Variants in ARHGAP26 observed in about 807,000 individuals in gnomAD.
ARHGAP26 encodes rho GTPase-activating protein 26.
In ARHGAP26, 38 loss-of-function variants were observed where a neutral mutation model predicts 104.8. The observed-to-expected ratio is 0.36, with a 90% CI of 0.28 to 0.48. ARHGAP26 has a LOEUF of 0.48. ARHGAP26 is among the 20% of genes least tolerant of loss of function. The pLI is 0.99. For missense variants in ARHGAP26, 704 were observed against 947.9 expected, an observed-to-expected ratio of 0.74 and a Z score of 3.38; for synonymous variants, 341 against 340.0, an observed-to-expected ratio of 1.00 and a Z score of -0.03.
chr5:143,171,043 C>T (rs1486329300), intron 20 of ARHGAP26, among the ~76,000 whole-genome samples: 1 of 152,002 alleles, frequency 6.6e-6, no homozygotes, highest in African/African-American at 2.4e-5. Flanking sequence ...GAAAAAAGAG[C>T]AGGAAATCCT....
intron 1 of ARHGAP26, among the ~76,000 whole-genome samples, chr5:142,862,300 T>C (rs1223861283): frequency 6.6e-6 from 1 of 152,200 alleles, no homozygotes; most frequent in Non-Finnish European, 1.5e-5. Flanking sequence ...TTATAGACGT[T>C]GAGTTTTCCA....
chr5:143,003,123 G>A (rs1239639291), intron 11 of ARHGAP26, among the ~76,000 whole-genome samples: 5 of 152,222 alleles, frequency 3.3e-5, no homozygotes, highest in Non-Finnish European at 7.3e-5. Flanking sequence ...AACAATCAGT[G>A]TTAATAATCC....
At chr5:143,109,200 G>A (rs534644577) in intron 17 of ARHGAP26, among the ~76,000 whole-genome samples, 3 of 152,194 alleles carry the variant, frequency 2.0e-5, no homozygotes, top group Non-Finnish European at 4.4e-5. Flanking sequence ...CCCAGTTCAG[G>A]TTTGGCTAAG....
intron 12 of ARHGAP26, among the ~76,000 whole-genome samples, chr5:143,030,807 A>G (rs561351824): frequency 3.9e-5 from 6 of 152,374 alleles, no homozygotes; most frequent in East Asian, 3.9e-4. Context: ...ATCCATTGCT[A>G]TAGTTGATGG....
At chr5:143,196,092 C>T (rs113101142) in intron 20 of ARHGAP26, among the ~76,000 whole-genome samples, 102 of 152,180 alleles carry the variant, frequency 6.7e-4, no homozygotes, top group African/African-American at 2.3e-3. Context: ...TTAAAAAGTA[C>T]ATGAAATATA....
intron 20 of ARHGAP26, among the ~76,000 whole-genome samples, chr5:143,187,535 C>T (rs772528852): frequency 1.9e-4 from 29 of 152,124 alleles, no homozygotes; most frequent in East Asian, 5.8e-4. Flanking sequence ...GTGGAGGAGG[C>T]GTGTGGAAGC....
chr5:142,782,877 G>T (rs1757802999), intron 1 of ARHGAP26, among the ~76,000 whole-genome samples: 1 of 152,204 alleles, frequency 6.6e-6, no homozygotes, highest in South Asian at 2.1e-4. Context: ...GTCCTTGTAA[G>T]ATAGTGGTTC....
intron 11 of ARHGAP26, chr5:142,946,679 T>G (rs144432823): frequency 6.6e-6 from 1 of 152,254 alleles, no homozygotes; most frequent in East Asian, 1.9e-4. Context: ...AGTCTGCAAA[T>G]TAGGTTGTTT....
chr5:143,014,327 G>C, intron 12 of ARHGAP26: 1 of 602,474 alleles, frequency 1.7e-6, no homozygotes, highest in South Asian at 2.0e-5. Context: ...CTGTAGTGTA[G>C]TGACACCTTG....
At chr5:142,883,923 T>C (rs972300752) in intron 4 of ARHGAP26, among the ~76,000 whole-genome samples, 3 of 152,216 alleles carry the variant, frequency 2.0e-5, no homozygotes, top group Non-Finnish European at 4.4e-5. Context: ...TTCTGGTGCC[T>C]AAAGTAGAGC....
chr5:143,204,411 C>G (rs887758814), intron 20 of ARHGAP26, among the ~76,000 whole-genome samples: 2 of 152,136 alleles, frequency 1.3e-5, no homozygotes, highest in Non-Finnish European at 2.9e-5. Flanking sequence ...ATAATCCCAG[C>G]TACTTGGGAG....
intron 1 of ARHGAP26, among the ~76,000 whole-genome samples, chr5:142,842,579 A>G (rs1771028721): frequency 6.6e-6 from 1 of 152,226 alleles, no homozygotes; most frequent in Admixed American, 6.5e-5. Context: ...TAGGAGAAAA[A>G]CATGCCTAGA....
chr5:142,770,881 C>G lies in ARHGAP26; in HGVS notation c.120C>G (p.Ile40Met). 1.2e-6 allele frequency: 2 copies of G among 1,611,306 alleles called. No individual in the cohort carries two copies. The highest frequency in any genetic ancestry group is 1.7e-6 in the Non-Finnish European group (2 of 1,178,616). The change falls in exon 1 of 23, where the codon ATC becomes ATG. Residue 40 changes from isoleucine to methionine, a missense_variant. Physicochemically the swap from Ile to Met is conservative, Grantham distance 10. Around this residue, in one of 6 missense-constraint regions of ARHGAP26, gnomAD observed 77 missense variants for 82.6 expected, o/e 0.93. Transcript: ENST00000645722. ...CCAACAAATTCATCAAGGAGCTCAT[C>G]AAGGACGGGAAGTCACTCATAAGCG... ...DKTNKFIKEL[I>M]KDGKSLISAL...
At chr5:142,990,225 C>G (rs1194709914) in intron 11 of ARHGAP26, among the ~76,000 whole-genome samples, 4 of 152,160 alleles carry the variant, frequency 2.6e-5, no homozygotes, top group Non-Finnish European at 5.9e-5. Context: ...CACTGATACC[C>G]TTTCTTCCAC....
chr5:143,028,165 GGATGATGATGAT>G (rs147935644), intron 12 of ARHGAP26, among the ~76,000 whole-genome samples: 1 of 151,774 alleles, frequency 6.6e-6, no homozygotes, highest in Non-Finnish European at 1.5e-5. Context: ...TACAAAATAC[GGATGATGATGAT>G]GATGATGATG....
chr5:142,881,514 A>G (rs138652030), intron 4 of ARHGAP26, among the ~76,000 whole-genome samples: 23 of 152,264 alleles, frequency 1.5e-4, no homozygotes, highest in African/African-American at 4.8e-4. Context: ...TGCATATTCT[A>G]TTCTCCTATT....
chr5:143,117,791 G>A (rs1795666862), intron 17 of ARHGAP26, among the ~76,000 whole-genome samples: 1 of 152,212 alleles, frequency 6.6e-6, no homozygotes, highest in African/African-American at 2.4e-5. Context: ...GATAAGGGAG[G>A]TTGGGATAGT....
chr5:142,904,290 A>G (rs750941541), intron 8 of ARHGAP26, among the ~76,000 whole-genome samples: 1 of 152,064 alleles, frequency 6.6e-6, no homozygotes, highest in Non-Finnish European at 1.5e-5. Flanking sequence ...CAGGAGTTCA[A>G]GACCAGCCTG....
At chr5:142,779,424 GGTGTGTGTGTGT>G (rs10550663) in intron 1 of ARHGAP26, among the ~76,000 whole-genome samples, 1 of 149,668 alleles carries the variant, frequency 6.7e-6, no homozygotes, top group Admixed American at 6.7e-5. Flanking sequence ...GGGTTAGGGT[GGTGTGTGTGTGT>G]GTGTGTGTGT....
Sources: allele counts gnomAD v4.1 joint callset (sites outside exome capture counted in the v4.1 genomes callset), GRCh38; gene constraint gnomAD v4.1.1; regional missense constraint gnomAD v4.1.1; transcripts MANE v1.5; gene names NCBI Gene and HGNC (gene_info 2026-07-23, HGNC 2026-07-21).